Variants in CADPS2 observed in about 807,000 individuals in gnomAD.
CADPS2 encodes calcium dependent secretion activator 2, also known as calcium-dependent secretion activator 2.
A neutral mutation model predicts 172.5 loss-of-function variants in CADPS2; 93 were observed. That is an observed-to-expected ratio of 0.54 (90% CI 0.46 to 0.64). CADPS2 has a LOEUF of 0.64. Among genes scored for constraint, CADPS2 ranks in the 30% least tolerant of loss-of-function variants. The probability of loss-of-function intolerance (pLI) is 0.00; values close to 1 mark genes in which losing one functional copy is unlikely to be tolerated. For missense variants in CADPS2, 1,420 were observed against 1,565.9 expected, an observed-to-expected ratio of 0.91 and a Z score of 1.57; for synonymous variants, 546 against 555.2, an observed-to-expected ratio of 0.98 and a Z score of 0.23.
chr7:122,815,386 A>G (rs1801063453), intron 1 of CADPS2, among the ~76,000 whole-genome samples: 1 of 152,158 alleles, frequency 6.6e-6, no homozygotes, highest in Non-Finnish European at 1.5e-5. Context: ...CTTTTATCCC[A>G]CATCTGGAAA....
chr7:122,443,096 T>C (rs993466354), intron 15 of CADPS2, among the ~76,000 whole-genome samples: 8 of 152,224 alleles, frequency 5.3e-5, no homozygotes, highest in African/African-American at 1.9e-4. Context: ...TTGTCTTCCC[T>C]ATTGTTTATT....
intron 8 of CADPS2, among the ~76,000 whole-genome samples, chr7:122,529,623 G>A (rs1283435377): frequency 1.3e-5 from 2 of 152,076 alleles, no homozygotes; most frequent in Non-Finnish European, 2.9e-5. Context: ...GGAAGAAAAT[G>A]ACTTTTAAAT....
At chr7:122,518,736 T>C (rs1160661670) in intron 8 of CADPS2, among the ~76,000 whole-genome samples, 1 of 151,968 alleles carries the variant, frequency 6.6e-6, no homozygotes, top group African/African-American at 2.4e-5. Flanking sequence ...ACCTGCCAAA[T>C]ACCAGTCAAA....
At chr7:122,405,119 AAAAAC>A in intron 20 of CADPS2, among the ~76,000 whole-genome samples, 1 of 151,606 alleles carries the variant, frequency 6.6e-6, no homozygotes, top group South Asian at 2.1e-4. Flanking sequence ...CAAAAGTCTC[AAAAAC>A]AAAAAACAAA....
intron 15 of CADPS2, among the ~76,000 whole-genome samples, chr7:122,446,605 T>C (rs1462996939): frequency 6.6e-6 from 1 of 152,204 alleles, no homozygotes; most frequent in African/African-American, 2.4e-5. Context: ...TTTCCTGTGG[T>C]TCTTTGCCAG....
At chr7:122,621,396 C>A in intron 5 of CADPS2, 85 bp downstream of exon 5, 1 of 892,894 alleles carries the variant, frequency 1.1e-6, no homozygotes, top group Non-Finnish European at 1.8e-6. Context: ...GTTTTAAATT[C>A]TAAAAGTTAC....
chr7:122,806,313 T>A (rs180789936), intron 1 of CADPS2, among the ~76,000 whole-genome samples: 2 of 152,332 alleles, frequency 1.3e-5, no homozygotes, highest in Admixed American at 6.5e-5. Flanking sequence ...TGTTTAGAAC[T>A]GGTAATAATC....
Position 122,576,521 on chromosome 7 carries a change from T to C in CADPS2, c.1335+4658A>G, listed in dbSNP as rs1049567757. On this transcript the variant is annotated intron_variant, in intron 7 of 29. Coordinates refer to ENST00000449022, the MANE Select transcript of CADPS2 (RefSeq NM_017954.11). ...TGTTCATTAGGGAAGTGTGTGTGTG[T>C]TCATGTTAGTGTGCATACATTAATG... 2.0e-5 allele frequency among the ~76,000 whole-genome samples: 3 copies of C among 152,164 alleles called. No individual in the cohort carries two copies. In the East Asian group the frequency reaches 5.8e-4, roughly 29 times the overall value.
chr7:122,471,954 A>G (rs1016391116), intron 13 of CADPS2, among the ~76,000 whole-genome samples: 2 of 152,248 alleles, frequency 1.3e-5, no homozygotes, highest in African/African-American at 4.8e-5. Context: ...GAAGTTTTAT[A>G]AAGTGAACTA....
In CADPS2 at chr7:122,702,711, C is replaced by T. The variant is rs899083759; in HGVS notation, c.453+34244G>A. 5.6e-6 allele frequency: 9 copies of T among 1,611,458 alleles called. No homozygotes were observed. The highest frequency in any genetic ancestry group is 1.3e-5 in the African/African-American group (1 of 74,862). On this transcript the variant is annotated intron_variant, in intron 2 of 29. Transcript: ENST00000449022. ...CTAAGCCTCAAAAGTCCAGATGAAA[C>T]AGAACTATGCGTCGAAGGGGTAATT...
chr7:122,519,765 T>C (rs2060638622), intron 8 of CADPS2, among the ~76,000 whole-genome samples: 1 of 152,084 alleles, frequency 6.6e-6, no homozygotes, highest in African/African-American at 2.4e-5. Flanking sequence ...TTTTTGATTA[T>C]ATATTTAATA....
At chr7:122,447,397 C>T (rs2152005994) in intron 15 of CADPS2, among the ~76,000 whole-genome samples, 1 of 151,980 alleles carries the variant, frequency 6.6e-6, no homozygotes, top group South Asian at 2.1e-4. Flanking sequence ...TATGTTTTAT[C>T]AATTTAATCT....
At chr7:122,523,272 TG>T (rs1401796528) in intron 8 of CADPS2, among the ~76,000 whole-genome samples, 1 of 152,172 alleles carries the variant, frequency 6.6e-6, no homozygotes, top group Admixed American at 6.6e-5. Flanking sequence ...TTAATATAGA[TG>T]TCAATGCACT....
intron 1 of CADPS2, among the ~76,000 whole-genome samples, chr7:122,835,549 G>C (rs550775999): frequency 6.6e-6 from 1 of 152,094 alleles, no homozygotes; most frequent in Admixed American, 6.6e-5. Flanking sequence ...AAGATTAGAC[G>C]AACGGATAAC....
At position 122,490,204 on chromosome 7, in the gene CADPS2, C is replaced by T. The variant is rs1232215003; in HGVS notation, c.1729G>A (p.Asp577Asn). Residue 577 changes from aspartate (D) to asparagine (N), a missense_variant, in exon 11 of 30, where the codon GAC becomes AAC. Transcript: ENST00000449022. ...ATGGCTTGAACCCATAATATTCTGT[C>T]CTGTTCATCATCACTGGCAAAGATT... ...TVIFASDDEQ[D>N]RILWVQAMYR... The T allele has an allele frequency of 1.2e-6, 2 of 1,613,238 alleles. No individual in the cohort carries two copies. The highest frequency in any genetic ancestry group is 1.7e-6 in the Non-Finnish European group (2 of 1,179,586).
chr7:122,494,438 G>A (rs1171702983), intron 9 of CADPS2, among the ~76,000 whole-genome samples: 4 of 151,986 alleles, frequency 2.6e-5, no homozygotes, highest in African/African-American at 9.7e-5. Context: ...TAAAAGAGAC[G>A]TGACAGATTT....
At chr7:122,802,283 GA>G (rs1220412398) in intron 1 of CADPS2, among the ~76,000 whole-genome samples, 1 of 152,106 alleles carries the variant, frequency 6.6e-6, no homozygotes, top group African/African-American at 2.4e-5. Flanking sequence ...TTTTCAATGA[GA>G]AAAAAAGAAA....
At chr7:122,698,605 A>G (rs191456637) in intron 2 of CADPS2, 672 of 1,614,058 alleles carry the variant, frequency 4.2e-4, no homozygotes, top group East Asian at 4.5e-5. Context: ...TCCCCGTTCA[A>G]TAAGTGCAAG....
At chr7:122,717,987 T>A (rs1237643535) in intron 2 of CADPS2, among the ~76,000 whole-genome samples, 62 of 96,630 alleles carry the variant, frequency 6.4e-4, no homozygotes, top group African/African-American at 3.0e-3. Context: ...ATTTTTTTTT[T>A]TTTTTTTTTT....
Sources: gnomAD v4.1 joint callset for allele counts (sites outside exome capture counted in the v4.1 genomes callset) on GRCh38, gnomAD v4.1.1 for gene constraint, MANE v1.5 for transcripts, NCBI Gene and HGNC (gene_info 2026-07-23, HGNC 2026-07-21) for gene names.